HECTD4: variants seen among roughly 807,000 people sequenced by gnomAD.
HECTD4 encodes the protein probable E3 ubiquitin-protein ligase HECTD4.
In HECTD4, 114 loss-of-function variants were observed where a neutral mutation model predicts 471.5. The ratio of observed to expected loss-of-function variants is 0.24; its 90% confidence interval spans 0.21 to 0.28. The LOEUF is 0.28. Ranked by LOEUF, HECTD4 falls within the 10% of genes least tolerant of loss-of-function variation. HECTD4 has a pLI of 1.00. For synonymous variants in HECTD4, 2,012 were observed against 2,256.0 expected (o/e 0.89, Z 3.07); for missense variants, 3,866 against 5,651.5 (o/e 0.68, Z 10.13).
intron 1 of HECTD4, among the ~76,000 whole-genome samples, chr12:112,329,600 T>C (rs976703082): frequency 6.6e-6 from 1 of 152,158 alleles, no homozygotes; most frequent in African/African-American, 2.4e-5. Context: ...ATTCCTGGCC[T>C]GAAGAGATCC....
chr12:112,338,092 G>C (rs1273436183), intron 1 of HECTD4, among the ~76,000 whole-genome samples: 2 of 152,100 alleles, frequency 1.3e-5, no homozygotes, highest in Non-Finnish European at 2.9e-5. Flanking sequence ...TCGAAGTGTC[G>C]GCAGGGCTGC....
chr12:112,212,916 C>T (rs1172640581), intron 48 of HECTD4, among the ~76,000 whole-genome samples: 4 of 152,204 alleles, frequency 2.6e-5, no homozygotes, highest in African/African-American at 9.6e-5. Context: ...CTGCCTCAGC[C>T]TCCAGAGTAG....
chr12:112,291,408 A>C (rs1370668156), intron 7 of HECTD4, among the ~76,000 whole-genome samples: 2 of 152,158 alleles, frequency 1.3e-5, no homozygotes, highest in African/African-American at 4.8e-5. Context: ...TCTAATATTG[A>C]GTCCATAATT....
chr12:112,184,507 C>T lies in HECTD4; in HGVS notation c.10459G>A (p.Ala3487Thr), dbSNP rs1280410006. 1.2e-6 allele frequency: 2 copies of T among 1,610,034 alleles called. No individual in the cohort carries two copies. The highest frequency in any genetic ancestry group is 8.5e-7 in the Non-Finnish European group (1 of 1,178,680). ...CAGATGGAGGCCTGGCTGGTGGAGG[C>T]GGAGGCGCTGATGCTCATGGCGGGG... ...LTPAMSISAS[A>T]STSQASICSS... The change falls in exon 61 of 76, where the codon GCC (alanine) becomes ACC (threonine). Residue 3487 changes from alanine to threonine, a missense_variant. Physicochemically the swap from Ala to Thr is moderately conservative, Grantham distance 58. Transcript: ENST00000682272. This position sits in a 1 kb window ranked among gnomAD's most constrained non-coding sequence, Gnocchi z 9.1.
At chr12:112,284,062 C>G (rs2034698822) in intron 7 of HECTD4, among the ~76,000 whole-genome samples, 1 of 150,750 alleles carries the variant, frequency 6.6e-6, no homozygotes, top group African/African-American at 2.4e-5. Context: ...ACTTAAGAAT[C>G]TTGGGACCCA....
At chr12:112,279,441 G>A (rs930278416) in intron 8 of HECTD4, 55 bp from the exon 9 acceptor site, 1 of 1,461,358 alleles carries the variant, frequency 6.8e-7, no homozygotes, top group Non-Finnish European at 9.3e-7. Context: ...AAGTTAATTT[G>A]ATTACCAACA....
rs759736434 is a variant in HECTD4, at chr12:112,246,896, A to G, written c.4513+5T>C. The G allele has an allele frequency of 3.8e-5, 61 of 1,608,890 alleles. No individual in the cohort carries two copies. In the South Asian group the frequency reaches 6.3e-4, roughly 17 times the overall value. ...AGCCGATTAGGGGCTATCTTTGAGC[A>G]GTACCTGGTGTTTCAGCAGGGGTCC... On this transcript the variant is annotated splice_donor_5th_base_variant and intron_variant, in intron 29 of 75. Transcript: ENST00000682272.
rs543158228 is a variant in HECTD4 at position 112,295,899 on chromosome 12, C to T, written c.1335+10165G>A. On this transcript the variant is annotated intron_variant, in intron 7 of 75. Coordinates refer to ENST00000682272, the MANE Select transcript of HECTD4 (RefSeq NM_001388303.1). ...CTGGTCTCAAATCCTTGGCCTTAAG[C>T]TATCCTCCCACCTTGGCCTCCCAAA... Among the ~76,000 whole-genome samples the T allele has an allele frequency of 1.1e-4, 16 of 150,602 alleles. 1 individual carries two copies. The highest frequency in any genetic ancestry group is 1.8e-4 in the Non-Finnish European group (12 of 67,652).
intron 67 of HECTD4, 145 bp from the exon 68 acceptor site, chr12:112,171,408 C>T (rs2031215470): frequency 2.2e-5 from 29 of 1,336,114 alleles, no homozygotes; most frequent in Admixed American, 9.8e-5. Context: ...AGTGAGTGAG[C>T]GGCCCCCAAT....
At chr12:112,368,052 C>T (rs766951457) in intron 1 of HECTD4, among the ~76,000 whole-genome samples, 1 of 151,966 alleles carries the variant, frequency 6.6e-6, no homozygotes, top group African/African-American at 2.4e-5. Flanking sequence ...ACTTGAATGC[C>T]GAATCTGTAG....
chr12:112,324,045 C>T (rs11066259), intron 1 of HECTD4, among the ~76,000 whole-genome samples: 4,763 of 12,816 alleles, frequency 0.37, 1,373 homozygotes, highest in East Asian at 0.85. Context: ...TTCCTTCCTT[C>T]CTTTCTTTCT....
chr12:112,163,675 T>C lies in HECTD4; in HGVS notation c.12764A>G (p.Asn4255Ser). The C allele has an allele frequency of 6.5e-7, 1 of 1,528,116 alleles. No individual in the cohort carries two copies. The highest frequency in any genetic ancestry group is 1.4e-5 in the African/African-American group (1 of 72,202). 94.7% of individuals were successfully genotyped at this position (1,528,116 alleles called of 1,614,324 possible). A position where few individuals can be genotyped will look rare whatever the true frequency, so the allele number is the denominator to read the frequency against. Residue 4255 changes from asparagine (N) to serine (S), a missense_variant, in exon 74 of 76, where the codon AAT becomes AGT. Transcript: ENST00000682272. The surrounding 1 kb of genome is among the most constrained non-coding windows in gnomAD (Gnocchi z 8.2). ...CCGCACGGCCGTCACGCACTCCACA[T>C]TCTGCAGCTCCCGCAGCCGCAGGCT... ...IRSLRLRELQ[N>S]VECVTAVRAG...
chr12:112,182,281 C>G (rs1157341473), intron 62 of HECTD4, among the ~76,000 whole-genome samples: 1 of 146,424 alleles, frequency 6.8e-6, no homozygotes, highest in African/African-American at 2.5e-5. Context: ...GCCCGGGCAA[C>G]ATAGGAAGAC....
rs763043916 is a variant in HECTD4, at chr12:112,190,753, C to A, written c.9472+33G>T. ...GCACCATGCCAGCTCCACCCCCACC[C>A]TAGATTCCGATCCCCAGGGAAGGCA... On this transcript the variant is annotated intron_variant, in intron 60 of 75. Transcript: ENST00000682272. 7.8e-6 allele frequency: 12 copies of A among 1,533,292 alleles called. 1 individual carries two copies. The South Asian group carries it at 1.3e-4, about 16-fold the overall frequency. 95.0% of individuals were successfully genotyped at this position (1,533,292 alleles called of 1,614,324 possible). A position where few individuals can be genotyped will look rare whatever the true frequency, so the allele number is the denominator to read the frequency against.
At position 112,235,480 on chromosome 12, in the gene HECTD4, C is replaced by T. The variant is rs1469152644; in HGVS notation, c.5725+24G>A. On this transcript the variant is annotated intron_variant, in intron 36 of 75. Transcript: ENST00000682272. The surrounding 1 kb of genome is among the most constrained non-coding windows in gnomAD (Gnocchi z 5.0). ...ACAGGAATGCTGCACTGCCATGCTA[C>T]TCTCCTGTTGAGGAGCTTCTCACCT... 6.3e-7 allele frequency: 1 copy of T among 1,585,918 alleles called. No individual in the cohort carries two copies. Among genetic ancestry groups the T allele is most frequent in the East Asian group, 2.2e-5 (1 of 44,650 alleles).
intron 1 of HECTD4, among the ~76,000 whole-genome samples, chr12:112,374,215 C>T (rs1187144615): frequency 6.6e-6 from 1 of 151,964 alleles, no homozygotes; most frequent in African/African-American, 2.4e-5. Flanking sequence ...GTCCCAGCTA[C>T]TCAGGAGGCT....
chr12:112,302,029 A>G, intron 7 of HECTD4: 1 of 1,079,078 alleles, frequency 9.3e-7, no homozygotes, highest in Admixed American at 1.7e-5. Flanking sequence ...GCTTAGCCAA[A>G]GCGCCTTTGT....
Position 112,166,837 on chromosome 12 carries a change from C to T in HECTD4, c.12534+480G>A, listed in dbSNP as rs1297338364. 6.5e-6 allele frequency: 1 copy of T among 152,964 alleles called. No homozygotes were observed. Among genetic ancestry groups the T allele is most frequent in the Non-Finnish European group, 1.5e-5 (1 of 68,632 alleles). The allele number at this position is 152,964 out of a possible 1,614,324, so 9.5% of individuals were successfully genotyped here. A position where few individuals can be genotyped will look rare whatever the true frequency, so the allele number is the denominator to read the frequency against. On this transcript the variant is annotated intron_variant, in intron 72 of 75. Transcript: ENST00000682272. This position sits in a 1 kb window ranked among gnomAD's most constrained non-coding sequence, Gnocchi z 4.6. ...GACTCCATCTCCCTCCAGGGGGGCA[C>T]TGGGCAACAGCACCATGCTGTCAAC...
chr12:112,245,995 G>T (rs2033750599), intron 29 of HECTD4, among the ~76,000 whole-genome samples: 1 of 152,104 alleles, frequency 6.6e-6, no homozygotes, highest in African/African-American at 2.4e-5. Flanking sequence ...AGCTGGGCAT[G>T]GTGGTGAGCG....
Sources: gnomAD v4.1 joint callset for allele counts (sites outside exome capture counted in the v4.1 genomes callset) on GRCh38, gnomAD v4.1.1 for gene constraint, Gnocchi (gnomAD v3.1) non-coding constraint, MANE v1.5 for transcripts, NCBI Gene and HGNC (gene_info 2026-07-23, HGNC 2026-07-21) for gene names.